The following CCDC102B variants were observed in gnomAD, a reference collection of about 807,000 sequenced individuals.
CCDC102B encodes coiled-coil domain-containing protein 102B.
A neutral mutation model predicts 57.4 loss-of-function variants in CCDC102B; 75 were observed. The observed-to-expected ratio is 1.31, with a 90% confidence interval of 1.08 to 1.58. The LOEUF is 1.58. CCDC102B is among the 40% of genes most tolerant of loss of function. The probability of loss-of-function intolerance (pLI) is 0.00; values close to 1 mark genes in which losing one functional copy is unlikely to be tolerated. For missense variants in CCDC102B, 636 were observed against 582.6 expected (o/e 1.09, Z -0.94); for synonymous variants, 206 against 201.9 (o/e 1.02, Z -0.17).
chr18:68,721,772 A>G (rs2032344010), intron 2 of CCDC102B, among the ~76,000 whole-genome samples: 1 of 152,352 alleles, frequency 6.6e-6, no homozygotes, highest in Admixed American at 6.5e-5. Context: ...TAGCAAAATT[A>G]GAAGAGAAAT....
chr18:68,806,657 C>T (rs1451877655), intron 1 of CCDC102B, among the ~76,000 whole-genome samples: 1 of 152,008 alleles, frequency 6.6e-6, no homozygotes, highest in Non-Finnish European at 1.5e-5. Context: ...TGCTCTACAG[C>T]TATTTTGTCC....
rs372137044 is a variant in CCDC102B, at chr18:68,803,613, G to C, written c.-16+5432G>C. ...TGGCCAGATGGCCGGCAGCTGCTGG[G>C]AATGAGCGAGGCAGGGAGGCACAGG... On this transcript the variant is annotated intron_variant, in intron 1 of 7. Transcript: ENST00000360242. Among the ~76,000 whole-genome samples, 4 of 152,298 alleles carry C rather than the reference G, an allele frequency of 2.6e-5. No individual in the cohort carries two copies. In the East Asian group the frequency reaches 7.7e-4, roughly 29 times the overall value.
intron 2 of CCDC102B, among the ~76,000 whole-genome samples, chr18:68,725,180 C>T (rs532457682): frequency 4.6e-5 from 7 of 152,282 alleles, no homozygotes; most frequent in Non-Finnish European, 1.0e-4. Flanking sequence ...TGGTCCTGCC[C>T]TTGACATATG....
intron 4 of CCDC102B, among the ~76,000 whole-genome samples, chr18:68,859,948 C>G (rs80344407): frequency 0.17 from 14,535 of 83,866 alleles, 1,707 homozygotes; most frequent in Middle Eastern, 0.22. Flanking sequence ...CATCCCAATA[C>G]TGGGTATATA....
intron 6 of CCDC102B, among the ~76,000 whole-genome samples, chr18:68,995,100 C>G (rs2050986011): frequency 6.6e-6 from 1 of 152,150 alleles, no homozygotes; most frequent in Non-Finnish European, 1.5e-5. Flanking sequence ...ATGACTTTTG[C>G]TATGCTTTAG....
At chr18:68,869,191 G>A (rs78311459) in intron 4 of CCDC102B, among the ~76,000 whole-genome samples, 1 of 152,158 alleles carries the variant, frequency 6.6e-6, no homozygotes, top group Non-Finnish European at 1.5e-5. Context: ...ATGTAGAAAG[G>A]AAAGTTGAAC....
intron 6 of CCDC102B, among the ~76,000 whole-genome samples, chr18:68,996,595 G>T (rs948839613): frequency 6.6e-6 from 1 of 152,188 alleles, no homozygotes; most frequent in African/African-American, 2.4e-5. Flanking sequence ...TTTTGGACTT[G>T]CATGGGGCCT....
At chr18:69,006,487 A>T (rs905240912) in intron 6 of CCDC102B, among the ~76,000 whole-genome samples, 1 of 151,022 alleles carries the variant, frequency 6.6e-6, no homozygotes, top group African/African-American at 2.5e-5. Context: ...CAGTGGCAGG[A>T]TCTCGGCTCA....
At chr18:68,967,996 AT>A (rs1295856719) in intron 6 of CCDC102B, among the ~76,000 whole-genome samples, 1 of 152,188 alleles carries the variant, frequency 6.6e-6, no homozygotes, top group Non-Finnish European at 1.5e-5. Context: ...AAATGTCAAA[AT>A]TCATAAGGCA....
intron 2 of CCDC102B, among the ~76,000 whole-genome samples, chr18:68,777,227 C>T (rs1009097036): frequency 6.6e-6 from 1 of 152,094 alleles, no homozygotes; most frequent in African/African-American, 2.4e-5. Flanking sequence ...AAGATCAAGA[C>T]GTACACATGT....
chr18:68,863,817 A>G (rs2038861194), intron 4 of CCDC102B, among the ~76,000 whole-genome samples: 1 of 151,940 alleles, frequency 6.6e-6, no homozygotes, highest in African/African-American at 2.4e-5. Flanking sequence ...TTCAAAAGCT[A>G]CCATATTTAG....
At chr18:68,852,051 A>G (rs909378108) in intron 4 of CCDC102B, among the ~76,000 whole-genome samples, 8 of 152,180 alleles carry the variant, frequency 5.3e-5, no homozygotes, top group African/African-American at 1.9e-4. Flanking sequence ...CATTTTACCT[A>G]GAAGACCATT....
At chr18:69,023,536 G>A (rs1335574089) in intron 7 of CCDC102B, among the ~76,000 whole-genome samples, 1 of 151,372 alleles carries the variant, frequency 6.6e-6, no homozygotes, top group Non-Finnish European at 1.5e-5. Flanking sequence ...AATGCTGAGT[G>A]CTACTGGTAT....
At chr18:69,004,175 C>A (rs2051279339) in intron 6 of CCDC102B, among the ~76,000 whole-genome samples, 1 of 152,104 alleles carries the variant, frequency 6.6e-6, no homozygotes, top group Non-Finnish European at 1.5e-5. Flanking sequence ...AAAGTGACAG[C>A]CAGGGACACC....
intron 2 of CCDC102B, among the ~76,000 whole-genome samples, chr18:68,729,861 C>T (rs117427116): frequency 0.018 from 2,768 of 152,156 alleles, 29 homozygotes; most frequent in Non-Finnish European, 0.03. Flanking sequence ...TTGTTATGTG[C>T]AACTAAGTAA....
rs547428762 is a variant in CCDC102B, at chr18:68,880,473, A to G, written c.1053+5688A>G. 5.1e-3 allele frequency among the ~76,000 whole-genome samples: 781 copies of G among 152,324 alleles called. 7 individuals carry two copies. Among genetic ancestry groups the G allele is most frequent in the African/African-American group, 0.018 (744 of 41,582 alleles). Reference sequence around the variant, plus strand: ...GCAGCGGTGGGCTGAAGGGCTCCTCAAGTGCCGCCAAAGTGGGAGCCCAGG... The same window carrying G: ...GCAGCGGTGGGCTGAAGGGCTCCTCGAGTGCCGCCAAAGTGGGAGCCCAGG... On this transcript the variant is annotated intron_variant, in intron 5 of 7. Transcript: ENST00000360242.
intron 1 of CCDC102B, among the ~76,000 whole-genome samples, chr18:68,805,866 G>T (rs2036016365): frequency 6.6e-6 from 1 of 152,020 alleles, no homozygotes; most frequent in South Asian, 2.1e-4. Flanking sequence ...TAACATAATT[G>T]GTTTCATTAT....
At chr18:68,813,864 C>T (rs1449730821) in intron 1 of CCDC102B, among the ~76,000 whole-genome samples, 4 of 150,890 alleles carry the variant, frequency 2.7e-5, no homozygotes, top group Admixed American at 6.6e-5. Context: ...TATCTGAGAA[C>T]GATGTGATAG....
chr18:68,741,173 G>A (rs1185976418), intron 2 of CCDC102B, among the ~76,000 whole-genome samples: 1 of 152,202 alleles, frequency 6.6e-6, no homozygotes, highest in Non-Finnish European at 1.5e-5. Flanking sequence ...AGTGATTGGA[G>A]CTTATGGCAG....
Sources: allele counts gnomAD v4.1 joint callset (sites outside exome capture counted in the v4.1 genomes callset), GRCh38; gene constraint gnomAD v4.1.1; transcripts MANE v1.5; gene names NCBI Gene and HGNC (gene_info 2026-07-23, HGNC 2026-07-21).